The following AFAP1L2 variants were observed in gnomAD, a reference collection of about 807,000 sequenced individuals.
The protein encoded by AFAP1L2 is actin filament-associated protein 1-like 2.
Under a neutral mutation model 99.3 loss-of-function variants are expected in AFAP1L2, and 46 were observed. The ratio of observed to expected loss-of-function variants is 0.46; its 90% CI spans 0.37 to 0.59. The LOEUF (loss-of-function observed/expected upper bound fraction) is 0.59. AFAP1L2 is among the 20% of genes least tolerant of loss of function. The pLI is 0.00. For missense variants in AFAP1L2, 959 were observed against 1,034.9 expected (o/e 0.93, Z 1.01); for synonymous variants, 397 against 419.1 (o/e 0.95, Z 0.64).
At chr10:114,371,987 G>A (rs1272438721) in intron 1 of AFAP1L2, among the ~76,000 whole-genome samples, 2 of 152,042 alleles carry the variant, frequency 1.3e-5, no homozygotes, top group Non-Finnish European at 2.9e-5. Flanking sequence ...TAAAATGGAA[G>A]GCCTCTCCCC....
At chr10:114,375,447 T>A (rs1241559092) in intron 1 of AFAP1L2, among the ~76,000 whole-genome samples, 1 of 152,226 alleles carries the variant, frequency 6.6e-6, no homozygotes, top group African/African-American at 2.4e-5. Context: ...GTCCACAAAC[T>A]TTTTATTGAC....
At chr10:114,359,364 C>T (rs1324655979) in intron 1 of AFAP1L2, among the ~76,000 whole-genome samples, 1 of 152,176 alleles carries the variant, frequency 6.6e-6, no homozygotes, top group Non-Finnish European at 1.5e-5. Context: ...AAAACAAATC[C>T]ACCACTCAAA....
chr10:114,315,427 A>G (rs559796465), intron 6 of AFAP1L2, 133 bp downstream of exon 6: 49 of 827,888 alleles, frequency 5.9e-5, no homozygotes, highest in Admixed American at 8.5e-5. Flanking sequence ...CAGATTAGGG[A>G]GAAGTTAAAA....
At chr10:114,291,728 T>A (rs978002002), downstream of AFAP1L2, among the ~76,000 whole-genome samples, 18 of 152,220 alleles carry the variant, frequency 1.2e-4, no homozygotes, top group Non-Finnish European at 2.5e-4. Flanking sequence ...AAGCAGCAGC[T>A]TTTCCACTTC....
Position 114,351,985 on chromosome 10 carries a change from G to A in AFAP1L2, c.17-11254C>T, listed in dbSNP as rs116453176. On this transcript the variant is annotated intron_variant, in intron 1 of 18. Coordinates refer to ENST00000304129, the MANE Select transcript of AFAP1L2 (RefSeq NM_001001936.3). Reference sequence around the variant, plus strand: ...TCAGTTTCCTGGTGTGTAAAATAGGGCTAATAATTGTACCTAGGGACTAAT... The same window carrying A: ...TCAGTTTCCTGGTGTGTAAAATAGGACTAATAATTGTACCTAGGGACTAAT... Among the ~76,000 whole-genome samples the A allele has an allele frequency of 4.3e-3, 649 of 152,254 alleles. 5 individuals are homozygous for A. Among genetic ancestry groups the A allele is most frequent in the African/African-American group, 0.015 (625 of 41,542 alleles).
intron 1 of AFAP1L2, among the ~76,000 whole-genome samples, chr10:114,403,893 G>A (rs1358300149): frequency 1.3e-5 from 2 of 152,202 alleles, no homozygotes; most frequent in East Asian, 3.9e-4. Flanking sequence ...AGGGCTTGGA[G>A]AGAAACGATG....
the AFAP1L2 span, chr10:114,285,999 G>A: frequency 3.7e-6 from 6 of 1,613,860 alleles, no homozygotes; most frequent in South Asian, 2.2e-5. Flanking sequence ...AGCTCTGCGG[G>A]CACCACTCTG....
intron 1 of AFAP1L2, among the ~76,000 whole-genome samples, chr10:114,391,809 G>A (rs1410306891): frequency 6.6e-6 from 1 of 152,194 alleles, no homozygotes; most frequent in African/African-American, 2.4e-5. Context: ...AAAAGCCCAA[G>A]TTAGGGAGCT....
At chr10:114,313,315 C>T in intron 7 of AFAP1L2, among the ~76,000 whole-genome samples, 1 of 152,170 alleles carries the variant, frequency 6.6e-6, no homozygotes, top group Non-Finnish European at 1.5e-5. Flanking sequence ...CCAAGTGCCT[C>T]ATAATCACAC....
intron 1 of AFAP1L2, among the ~76,000 whole-genome samples, chr10:114,346,999 T>C (rs139343999): frequency 1.3e-5 from 2 of 152,356 alleles, no homozygotes; most frequent in East Asian, 3.9e-4. Context: ...TTCCCTGCTG[T>C]TCTATGCACA....
intron 1 of AFAP1L2, among the ~76,000 whole-genome samples, chr10:114,356,122 T>G (rs990445265): frequency 6.6e-6 from 1 of 152,200 alleles, no homozygotes; most frequent in African/African-American, 2.4e-5. Flanking sequence ...TTGAAAAACA[T>G]TTATCTGAAA....
intron 1 of AFAP1L2, among the ~76,000 whole-genome samples, chr10:114,391,938 A>G (rs1275514764): frequency 6.6e-6 from 1 of 152,150 alleles, no homozygotes; most frequent in Non-Finnish European, 1.5e-5. Flanking sequence ...AGTACAAGGA[A>G]CAGCACACCT....
chr10:114,347,012 T>G (rs1454736804), intron 1 of AFAP1L2, among the ~76,000 whole-genome samples: 2 of 152,212 alleles, frequency 1.3e-5, no homozygotes, highest in Non-Finnish European at 2.9e-5. Context: ...TATGCACACA[T>G]TTTTATTTAT....
At chr10:114,405,107 A>G (rs2058590045), upstream of AFAP1L2, among the ~76,000 whole-genome samples, 1 of 152,190 alleles carries the variant, frequency 6.6e-6, no homozygotes, top group African/African-American at 2.4e-5. Context: ...AATCGCGCAC[A>G]CTTCAGGGTG....
At chr10:114,348,331 C>A (rs1386748228) in intron 1 of AFAP1L2, among the ~76,000 whole-genome samples, 3 of 152,114 alleles carry the variant, frequency 2.0e-5, no homozygotes, top group East Asian at 1.9e-4. Flanking sequence ...GGCACAGAAC[C>A]TTCCCACTAC....
At chr10:114,331,354 A>T (rs1004630957) in intron 4 of AFAP1L2, among the ~76,000 whole-genome samples, 1 of 152,164 alleles carries the variant, frequency 6.6e-6, no homozygotes, top group African/African-American at 2.4e-5. Context: ...GCTATTCACA[A>T]GTGTGATCAC....
chr10:114,290,239 G>A (rs1178367648), downstream of AFAP1L2: 26 of 1,550,254 alleles, frequency 1.7e-5, 1 homozygote, highest in Non-Finnish European at 2.0e-5. Context: ...CTCCATTGTA[G>A]AAGCCAAGCA....
chr10:114,290,496 C>T, downstream of AFAP1L2: 1 of 1,317,804 alleles, frequency 7.6e-7, no homozygotes, highest in East Asian at 2.6e-5. Flanking sequence ...GTCGTTTACC[C>T]ACGAAACATT....
intron 1 of AFAP1L2, chr10:114,393,669 C>T (rs1217550366): frequency 1.3e-5 from 2 of 152,138 alleles, no homozygotes; most frequent in East Asian, 1.9e-4. Context: ...CTGAATTCTC[C>T]CTCCGAGAAC....
Sources: gnomAD v4.1 joint callset for allele counts (sites outside exome capture counted in the v4.1 genomes callset) on GRCh38, gnomAD v4.1.1 for gene constraint, MANE v1.5 for transcripts, NCBI Gene and HGNC (gene_info 2026-07-23, HGNC 2026-07-21) for gene names.